Variants in CHST11 observed in about 807,000 individuals in gnomAD.
CHST11 encodes C4S-1.
A neutral mutation model predicts 30.4 loss-of-function variants in CHST11; 9 were observed. The ratio of observed to expected loss-of-function variants is 0.30; its 90% confidence interval spans 0.18 to 0.52. The LOEUF is 0.52. Ranked by LOEUF, CHST11 falls within the 20% of genes least tolerant of loss-of-function variation. The pLI is 0.97. For synonymous variants in CHST11, 152 were observed against 187.8 expected, an observed-to-expected ratio of 0.81 and a Z score of 1.56; for missense variants, 348 against 460.6, an observed-to-expected ratio of 0.76 and a Z score of 2.24.
At chr12:104,750,444 TTTTTTTTTTTTTG>T (rs1367767825) in intron 2 of CHST11, among the ~76,000 whole-genome samples, 6 of 109,942 alleles carry the variant, frequency 5.5e-5, no homozygotes, top group East Asian at 3.5e-4. Context: ...TTTTTTTTTT[TTTTTTTTTTTTTG>T]TTGAGACTGA....
chr12:104,757,582 G>C lies in CHST11; in HGVS notation c.838G>C (p.Glu280Gln). The change falls in exon 3 of 3, where the codon GAG becomes CAG. Residue 280 changes from glutamate (E) to glutamine (Q), a missense_variant. Around this residue, in one of 3 missense-constraint regions of CHST11, gnomAD observed 210 missense variants for 287.2 expected, o/e 0.73. Coordinates refer to ENST00000303694, the MANE Select transcript of CHST11 (RefSeq NM_018413.6). This position sits in a 1 kb window ranked among gnomAD's most constrained non-coding sequence, Gnocchi z 6.5. The part of the protein sequence containing the change: ...HIHYDLVGKY[E>Q]TLEEDSNYVL... ...CCACTATGACCTCGTGGGCAAGTACGAGACACTGGAAGAGGATTCTAATTA... is the reference window on the plus strand; with the variant it reads ...CCACTATGACCTCGTGGGCAAGTACCAGACACTGGAAGAGGATTCTAATTA... 6.2e-7 allele frequency: 1 copy of C among 1,614,146 alleles called. No homozygotes were observed. Among genetic ancestry groups the C allele is most frequent in the Non-Finnish European group, 8.5e-7 (1 of 1,180,034 alleles).
At chr12:104,568,971 C>A (rs1447909649) in intron 1 of CHST11, among the ~76,000 whole-genome samples, 1 of 152,144 alleles carries the variant, frequency 6.6e-6, no homozygotes, top group Non-Finnish European at 1.5e-5. Flanking sequence ...AATAAAGTAC[C>A]TAAGAGTATG....
At position 104,525,679 on chromosome 12, in the gene CHST11, T is replaced by C. The variant is rs78276245; in HGVS notation, c.118+68150T>C. ...TACTCAACACAGGCCTGGGATATAGTAAGTGCTATTTTGATTATTTTTAAG... is the reference window on the plus strand; with the variant it reads ...TACTCAACACAGGCCTGGGATATAGCAAGTGCTATTTTGATTATTTTTAAG... On this transcript the variant is annotated intron_variant, in intron 1 of 2. Transcript: ENST00000303694. Among the ~76,000 whole-genome samples the C allele has an allele frequency of 4.9e-4, 74 of 152,292 alleles. 1 individual carries two copies. The East Asian group carries it at 0.013, about 27-fold the overall frequency.
At chr12:104,722,469 C>T (rs1290684608) in intron 2 of CHST11, among the ~76,000 whole-genome samples, 1 of 152,122 alleles carries the variant, frequency 6.6e-6, no homozygotes, top group Non-Finnish European at 1.5e-5. Flanking sequence ...AACTGCAGTA[C>T]TTAGATGAGG....
intron 2 of CHST11, among the ~76,000 whole-genome samples, chr12:104,628,026 C>G (rs2039234398): frequency 6.6e-6 from 1 of 152,238 alleles, no homozygotes; most frequent in Admixed American, 6.5e-5. Flanking sequence ...TAAGGTCACA[C>G]AGCTGGCATG....
Position 104,598,277 on chromosome 12 carries a change from C to G in CHST11, c.119-3629C>G, listed in dbSNP as rs80189600. On this transcript the variant is annotated intron_variant, in intron 1 of 2. Transcript: ENST00000303694. ...GAAGTCATTTGTGGCCCCTGGAAACCAAAAGCCCCCAGTGGTCTAAACCTG... is the reference window on the plus strand; with the variant it reads ...GAAGTCATTTGTGGCCCCTGGAAACGAAAAGCCCCCAGTGGTCTAAACCTG... Among the ~76,000 whole-genome samples, 250 of 152,262 alleles carry G rather than the reference C, an allele frequency of 1.6e-3. 2 individuals are homozygous for G. Among genetic ancestry groups the G allele is most frequent in the South Asian group, 0.016 (78 of 4,822 alleles).
intron 2 of CHST11, among the ~76,000 whole-genome samples, chr12:104,634,457 C>T (rs372376556): frequency 1.3e-5 from 2 of 152,200 alleles, no homozygotes; most frequent in Non-Finnish European, 2.9e-5. Context: ...GCTGCCGGGC[C>T]TGGAGCTGGT....
chr12:104,641,537 C>T (rs1208874694), intron 2 of CHST11, among the ~76,000 whole-genome samples: 4 of 152,168 alleles, frequency 2.6e-5, no homozygotes, highest in Admixed American at 1.3e-4. Context: ...CCCCTGCCAG[C>T]ACCCATGTAC....
chr12:104,725,888 C>T (rs2040212903), intron 2 of CHST11, among the ~76,000 whole-genome samples: 1 of 152,082 alleles, frequency 6.6e-6, no homozygotes, highest in Non-Finnish European at 1.5e-5. Flanking sequence ...CACCATGGCT[C>T]CCAAGGGCCA....
chr12:104,488,638 CGTGT>C (rs1190859278), intron 1 of CHST11, among the ~76,000 whole-genome samples: 5 of 67,608 alleles, frequency 7.4e-5, no homozygotes, highest in African/African-American at 2.2e-4. Flanking sequence ...TGTGTGTGTG[CGTGT>C]GTATGTGTGT....
intron 2 of CHST11, among the ~76,000 whole-genome samples, chr12:104,726,035 A>G (rs1430510793): frequency 2.0e-5 from 3 of 152,226 alleles, no homozygotes; most frequent in Non-Finnish European, 2.9e-5. Context: ...GAGCCAATGA[A>G]GCAGGATTGG....
At chr12:104,697,236 A>G (rs1442150770) in intron 2 of CHST11, among the ~76,000 whole-genome samples, 1 of 152,198 alleles carries the variant, frequency 6.6e-6, no homozygotes, top group Non-Finnish European at 1.5e-5. Flanking sequence ...TTTTGTGACA[A>G]TGTGACTGGA....
intron 1 of CHST11, among the ~76,000 whole-genome samples, chr12:104,588,509 C>G (rs2038826898): frequency 6.6e-6 from 1 of 152,240 alleles, no homozygotes; most frequent in Non-Finnish European, 1.5e-5. Flanking sequence ...GAGTCACAGA[C>G]TGGCTCATTC....
At chr12:104,711,571 CAGG>C (rs2040088332) in intron 2 of CHST11, among the ~76,000 whole-genome samples, 1 of 151,944 alleles carries the variant, frequency 6.6e-6, no homozygotes, top group South Asian at 2.1e-4. Flanking sequence ...TGGGGGATGG[CAGG>C]AGTGGGAAGT....
chr12:104,476,308 A>G (rs1046828972), intron 1 of CHST11, among the ~76,000 whole-genome samples: 1 of 150,938 alleles, frequency 6.6e-6, no homozygotes, highest in African/African-American at 2.4e-5. Flanking sequence ...AATAATATAT[A>G]CATATGTTAT....
chr12:104,457,785 GTTTTTT>G (rs35612022), intron 1 of CHST11, among the ~76,000 whole-genome samples: 1 of 137,684 alleles, frequency 7.3e-6, no homozygotes, highest in South Asian at 2.4e-4. Flanking sequence ...AGGGGCGGTA[GTTTTTT>G]TTTTTTTTTT....
At chr12:104,669,095 G>C (rs1028246111) in intron 2 of CHST11, among the ~76,000 whole-genome samples, 1 of 152,214 alleles carries the variant, frequency 6.6e-6, no homozygotes, top group Non-Finnish European at 1.5e-5. Flanking sequence ...GCGTGCGTTA[G>C]ACGTACGCAC....
chr12:104,644,943 A>G, intron 2 of CHST11, among the ~76,000 whole-genome samples: 1 of 152,034 alleles, frequency 6.6e-6, no homozygotes, highest in East Asian at 1.9e-4. Flanking sequence ...GCCTTCTTCC[A>G]CTTTTTTTGT....
intron 2 of CHST11, among the ~76,000 whole-genome samples, chr12:104,630,703 T>C (rs563613852): frequency 1.3e-4 from 20 of 152,346 alleles, no homozygotes; most frequent in African/African-American, 4.6e-4. Context: ...CACGTGCCCC[T>C]ATTTTAGTTC....
Sources: gnomAD v4.1 joint callset for allele counts (sites outside exome capture counted in the v4.1 genomes callset) on GRCh38, gnomAD v4.1.1 for gene constraint, gnomAD v4.1.1 regional missense constraint, Gnocchi (gnomAD v3.1) non-coding constraint, MANE v1.5 for transcripts, NCBI Gene and HGNC (gene_info 2026-07-23, HGNC 2026-07-21) for gene names.